The following GRIK5 variants were observed in gnomAD, a reference collection of about 807,000 sequenced individuals.
GRIK5 encodes glutamate receptor ionotropic, kainate 5.
Under a neutral mutation model 97.4 loss-of-function variants are expected in GRIK5, and 43 were observed. The observed-to-expected ratio is 0.44, with a 90% CI of 0.35 to 0.57. The LOEUF (loss-of-function observed/expected upper bound fraction) is 0.57. Ranked by LOEUF, GRIK5 falls within the 20% of genes least tolerant of loss-of-function variation. The probability of loss-of-function intolerance (pLI) is 0.01; values close to 1 mark genes in which losing one functional copy is unlikely to be tolerated. For missense variants in GRIK5, 1,015 were observed against 1,382.0 expected, an observed-to-expected ratio of 0.73 and a Z score of 4.21; for synonymous variants, 580 against 583.5, an observed-to-expected ratio of 0.99 and a Z score of 0.09.
chr19:42,001,765 T>C (rs2075425559), intron 19 of GRIK5: 1 of 236,462 alleles, frequency 4.2e-6, no homozygotes, highest in African/African-American at 2.3e-5. Context: ...CCACAGAAAC[T>C]GTGAACCAAT....
At chr19:42,044,887 G>A (rs544453037) in intron 11 of GRIK5, among the ~76,000 whole-genome samples, 6 of 152,190 alleles carry the variant, frequency 3.9e-5, no homozygotes, top group African/African-American at 1.2e-4. Context: ...GCGGTGAGCC[G>A]AGATTTCACC....
intron 11 of GRIK5, among the ~76,000 whole-genome samples, chr19:42,048,953 A>G (rs1447136076): frequency 1.3e-5 from 2 of 151,874 alleles, no homozygotes; most frequent in Admixed American, 6.6e-5. Flanking sequence ...GAGATAGGAG[A>G]AGTGCTGGAG....
At chr19:42,067,346 C>T (rs537769043) in intron 1 of GRIK5, among the ~76,000 whole-genome samples, 14 of 152,318 alleles carry the variant, frequency 9.2e-5, no homozygotes, top group Non-Finnish European at 1.5e-4. Flanking sequence ...TGACTCACTG[C>T]GTGATCTTGA....
At chr19:42,058,940 G>C (rs527293940) in intron 6 of GRIK5, among the ~76,000 whole-genome samples, 1 of 151,894 alleles carries the variant, frequency 6.6e-6, no homozygotes, top group Middle Eastern at 3.4e-3. Flanking sequence ...GATCTGACTC[G>C]GGGCCAGGCA....
intron 12 of GRIK5, among the ~76,000 whole-genome samples, chr19:42,036,251 G>T (rs562313035): frequency 3.9e-4 from 59 of 152,184 alleles, no homozygotes; most frequent in South Asian, 8.3e-4. Context: ...TAGTAGAGAT[G>T]GGGTTTCACC....
At chr19:42,031,167 C>T (rs954209981) in intron 12 of GRIK5, among the ~76,000 whole-genome samples, 18 of 152,190 alleles carry the variant, frequency 1.2e-4, no homozygotes. Context: ...CCCCTGATCA[C>T]GTTGACAATA....
intron 12 of GRIK5, among the ~76,000 whole-genome samples, chr19:42,029,234 AT>A (rs2075810885): frequency 6.6e-6 from 1 of 151,766 alleles, no homozygotes; most frequent in Admixed American, 6.6e-5. Flanking sequence ...TGCCCAGCTA[AT>A]TTTTGTATTT....
intron 11 of GRIK5, among the ~76,000 whole-genome samples, chr19:42,049,806 T>C (rs2076089054): frequency 6.6e-6 from 1 of 152,160 alleles, no homozygotes; most frequent in Non-Finnish European, 1.5e-5. Context: ...TTCTAGAACA[T>C]TCCTTACAAG....
chr19:42,043,693 G>A (rs965322131), intron 11 of GRIK5, among the ~76,000 whole-genome samples: 3 of 151,830 alleles, frequency 2.0e-5, no homozygotes, highest in Non-Finnish European at 2.9e-5. Flanking sequence ...GTGAGCCATC[G>A]CACCTGGCCC....
intron 12 of GRIK5, among the ~76,000 whole-genome samples, chr19:42,029,335 G>A (rs2075813333): frequency 6.6e-6 from 1 of 151,414 alleles, no homozygotes. Flanking sequence ...CACAGTGCTG[G>A]GATTACAGGC....
At chr19:42,046,060 A>G (rs534558231) in intron 11 of GRIK5, among the ~76,000 whole-genome samples, 1 of 152,300 alleles carries the variant, frequency 6.6e-6, no homozygotes, top group African/African-American at 2.4e-5. Context: ...AGCCCCCTTG[A>G]CATATAGAGG....
At chr19:42,011,640 T>C (rs1209374517) in intron 15 of GRIK5, among the ~76,000 whole-genome samples, 1 of 151,128 alleles carries the variant, frequency 6.6e-6, no homozygotes, top group African/African-American at 2.4e-5. Context: ...AACAAAGAAG[T>C]ACAGTTAACA....
intron 15 of GRIK5, among the ~76,000 whole-genome samples, chr19:42,007,444 C>T (rs1243090032): frequency 6.6e-6 from 1 of 152,072 alleles, no homozygotes; most frequent in African/African-American, 2.4e-5. Context: ...ACTGTGATCC[C>T]TGAGAAGAGA....
At chr19:42,001,814 A>AT (rs1599737963) in intron 19 of GRIK5, 1 of 359,988 alleles carries the variant, frequency 2.8e-6, no homozygotes, top group East Asian at 5.0e-5. Flanking sequence ...GTCATTTGTT[A>AT]TGATAGCAAT....
chr19:41,999,398 G>C lies in GRIK5; in HGVS notation c.2515-99C>G. ...ACTCCTCCTCCTCCTTTCCTCGCCC[G>C]GGTCTTTCTTCCTTCTGCCCTCGCT... On this transcript the variant is annotated intron_variant, in intron 19 of 19. Coordinates refer to ENST00000593562, the MANE Select transcript of GRIK5 (RefSeq NM_002088.5). This position sits in a 1 kb window ranked among gnomAD's most constrained non-coding sequence, Gnocchi z 5.0. 1 of 920,138 alleles carries C rather than the reference G, an allele frequency of 1.1e-6. No homozygotes were observed. 57.0% of individuals were successfully genotyped at this position (920,138 alleles called of 1,614,324 possible).
intron 6 of GRIK5, among the ~76,000 whole-genome samples, chr19:42,058,784 C>G (rs2076220114): frequency 6.7e-6 from 1 of 149,472 alleles, no homozygotes; most frequent in South Asian, 2.1e-4. Context: ...TGAGATTGTA[C>G]CACTGCTCTC....
chr19:42,055,059 T>A (rs2076165081), intron 8 of GRIK5, among the ~76,000 whole-genome samples: 1 of 152,214 alleles, frequency 6.6e-6, no homozygotes, highest in South Asian at 2.1e-4. Flanking sequence ...AAAATGAGGA[T>A]AATAGTAATC....
At chr19:42,039,401 A>C (rs563216145) in intron 12 of GRIK5, among the ~76,000 whole-genome samples, 1 of 152,334 alleles carries the variant, frequency 6.6e-6, no homozygotes, top group African/African-American at 2.4e-5. Context: ...TGAACCCACG[A>C]GGCAGAGGTT....
intron 19 of GRIK5, among the ~76,000 whole-genome samples, chr19:42,001,616 G>A (rs533582001): frequency 3.9e-5 from 6 of 152,282 alleles, no homozygotes. Context: ...TTGGGACAGT[G>A]AGCCATCTTA....
Sources: gnomAD v4.1 joint callset for allele counts (sites outside exome capture counted in the v4.1 genomes callset) on GRCh38, gnomAD v4.1.1 for gene constraint, Gnocchi (gnomAD v3.1) non-coding constraint, MANE v1.5 for transcripts, NCBI Gene and HGNC (gene_info 2026-07-23, HGNC 2026-07-21) for gene names.